Variants in ATP6V1B1 observed in about 807,000 individuals in gnomAD.
ATP6V1B1 encodes V-type proton ATPase subunit B, kidney isoform.
Under a neutral mutation model 62.1 loss-of-function variants are expected in ATP6V1B1, and 41 were observed. The ratio of observed to expected loss-of-function variants is 0.66; its 90% CI spans 0.51 to 0.86. ATP6V1B1 has a LOEUF of 0.86. ATP6V1B1 is among the 40% of genes least tolerant of loss of function. The pLI is 0.00. For missense variants in ATP6V1B1, 651 were observed against 697.5 expected (o/e 0.93, Z 0.75); for synonymous variants, 253 against 273.4 (o/e 0.93, Z 0.74).
At chr2:70,956,981 A>G (rs1379337900) in intron 2 of ATP6V1B1, among the ~76,000 whole-genome samples, 1 of 151,790 alleles carries the variant, frequency 6.6e-6, no homozygotes, top group African/African-American at 2.4e-5. Context: ...GATGTTGAGT[A>G]TCTTATCTTG....
At chr2:70,947,198 G>A (rs1180100060) in intron 2 of ATP6V1B1, among the ~76,000 whole-genome samples, 2 of 152,178 alleles carry the variant, frequency 1.3e-5, no homozygotes, top group African/African-American at 4.8e-5. Flanking sequence ...GAATGTGCCT[G>A]TGCATTTTTC....
At chr2:70,944,729 C>T (rs566356165) in intron 2 of ATP6V1B1, among the ~76,000 whole-genome samples, 32 of 146,392 alleles carry the variant, frequency 2.2e-4, no homozygotes, top group Non-Finnish European at 3.0e-4. Flanking sequence ...AGTGCAGTGG[C>T]GCAATCTCGG....
chr2:70,965,299 C>T lies in ATP6V1B1; in HGVS notation c.*178C>T. 1.2e-6 allele frequency: 1 copy of T among 868,840 alleles called. No homozygotes were observed. The highest frequency in any genetic ancestry group is 1.7e-6 in the Non-Finnish European group (1 of 574,456). The allele number at this position is 868,840 out of a possible 1,614,324, so 53.8% of individuals were successfully genotyped here. A position where few individuals can be genotyped will look rare whatever the true frequency, so the allele number is the denominator to read the frequency against. ...CCCTCGCTCGATTCCTTTTCCCGCG[C>T]TCCATGCCTCCCCCTCGACTCCCGG... On this transcript the variant is annotated 3_prime_UTR_variant, in exon 14 of 14. Coordinates refer to ENST00000234396, the MANE Select transcript of ATP6V1B1 (RefSeq NM_001692.4).
intron 11 of ATP6V1B1, 104 bp from the exon 12 acceptor site, chr2:70,964,334 C>T (rs186283380): frequency 8.1e-7 from 1 of 1,233,270 alleles, no homozygotes; most frequent in Non-Finnish European, 1.2e-6. Flanking sequence ...GTTGACCCCT[C>T]GGAATGTAGG....
In ATP6V1B1 at chr2:70,941,472, C is replaced by T. The variant is rs535239868; in HGVS notation, c.119-2186C>T. The T allele has an allele frequency of 6.1e-5, 60 of 983,142 alleles. No individual in the cohort carries two copies. The African/African-American group carries it at 8.9e-4, about 15-fold the overall frequency. The allele number at this position is 983,142 out of a possible 1,614,324, so 60.9% of individuals were successfully genotyped here. A position where few individuals can be genotyped will look rare whatever the true frequency, so the allele number is the denominator to read the frequency against. The stretch of plus-strand genomic sequence containing the variant: ...GCACCCCTTGACCCTGAAGGCTCAG[C>T]TCAAACGGCCCTTCCCATAAGATGC... On this transcript the variant is annotated intron_variant, in intron 1 of 13. Transcript: ENST00000234396.
chr2:70,940,348 C>A, intron 1 of ATP6V1B1: 3 of 943,778 alleles, frequency 3.2e-6, no homozygotes. Flanking sequence ...ACACCCCCAC[C>A]TCCCTATCCA....
At chr2:70,954,057 A>C (rs1553418656) in intron 2 of ATP6V1B1, among the ~76,000 whole-genome samples, 1 of 152,040 alleles carries the variant, frequency 6.6e-6, no homozygotes, top group South Asian at 2.1e-4. Context: ...TGTCTACTTT[A>C]TTCAGCTTTT....
chr2:70,947,040 C>T (rs1471262078), intron 2 of ATP6V1B1, among the ~76,000 whole-genome samples: 2 of 152,182 alleles, frequency 1.3e-5, no homozygotes, highest in African/African-American at 4.8e-5. Flanking sequence ...CCACCTTCTG[C>T]CCACATTGAA....
chr2:70,965,065 G>A lies in ATP6V1B1; in HGVS notation c.1486G>A (p.Glu496Lys), dbSNP rs781897036. 6.2e-7 allele frequency: 1 copy of A among 1,613,410 alleles called. No homozygotes were observed. The highest frequency in any genetic ancestry group is 1.1e-5 in the South Asian group (1 of 91,086). The change falls in exon 14 of 14, where the codon GAG becomes AAG. Residue 496 changes from glutamate (E) to lysine (K), a missense_variant. By Grantham distance (56) the Glu-to-Lys change is moderately conservative (BLOSUM62 1). Transcript: ENST00000234396. ...LKRIPQAVID[E>K]FYSREGALQD... Reference sequence around the variant, plus strand: ...GCGCATTCCGCAGGCCGTGATCGACGAGTTCTATTCCCGCGAGGGGGCGCT... The same window carrying A: ...GCGCATTCCGCAGGCCGTGATCGACAAGTTCTATTCCCGCGAGGGGGCGCT...
Position 70,960,975 on chromosome 2 carries a change from C to A in ATP6V1B1, c.640C>A (p.Leu214Met), listed in dbSNP as rs1258706231. 1.2e-6 allele frequency: 2 copies of A among 1,606,684 alleles called. No individual in the cohort carries two copies. Among genetic ancestry groups the A allele is most frequent in the Non-Finnish European group, 1.7e-6 (2 of 1,176,658 alleles). Residue 214 changes from leucine (L) to methionine (M), a missense_variant, in exon 7 of 14, where the codon CTG becomes ATG. Transcript: ENST00000234396. ...AGLVKKSKAV[L>M]DYHDDNFAIV... ...GCTGGTGAAGAAGTCCAAGGCTGTG[C>A]TGGATTACCATGACGACAACTTCGC...
At chr2:70,962,994 C>T in intron 9 of ATP6V1B1, 94 bp downstream of exon 9, 1 of 1,603,112 alleles carries the variant, frequency 6.2e-7, no homozygotes, top group Non-Finnish European at 8.5e-7. Context: ...GGGAGCTGGT[C>T]CACCCAAGCC....
At chr2:70,957,945 G>T (rs977528465) in intron 2 of ATP6V1B1, 101 bp from the exon 3 acceptor site, 62 of 1,058,190 alleles carry the variant, frequency 5.9e-5, no homozygotes, top group South Asian at 6.8e-5. Flanking sequence ...GGACACTAGA[G>T]GGGAGAGAAC....
chr2:70,949,755 C>T (rs373607652), intron 2 of ATP6V1B1, among the ~76,000 whole-genome samples: 7 of 152,130 alleles, frequency 4.6e-5, no homozygotes, highest in Admixed American at 3.9e-4. Flanking sequence ...GTTGTGCATA[C>T]GGGAGCTCCT....
At chr2:70,946,961 C>T (rs1680191539) in intron 2 of ATP6V1B1, among the ~76,000 whole-genome samples, 1 of 152,218 alleles carries the variant, frequency 6.6e-6, no homozygotes. Context: ...CTCCCCATCC[C>T]TCTCCGTTGC....
intron 2 of ATP6V1B1, among the ~76,000 whole-genome samples, chr2:70,947,062 A>G (rs924127668): frequency 7.9e-5 from 12 of 152,126 alleles, no homozygotes; most frequent in African/African-American, 2.2e-4. Flanking sequence ...CACACAGGCA[A>G]TTACTCTTCC....
At chr2:70,952,331 C>T (rs1477720916) in intron 2 of ATP6V1B1, among the ~76,000 whole-genome samples, 9 of 151,972 alleles carry the variant, frequency 5.9e-5, no homozygotes, top group African/African-American at 1.2e-4. Context: ...GGCGTGATGG[C>T]GCACACCTGT....
At chr2:70,962,982 A>C (rs1017265163) in intron 9 of ATP6V1B1, 82 bp downstream of exon 9, 89 of 1,607,366 alleles carry the variant, frequency 5.5e-5, no homozygotes, top group Non-Finnish European at 7.5e-5. Context: ...CTGCAAATAG[A>C]GGGGAGCTGG....
intron 2 of ATP6V1B1, among the ~76,000 whole-genome samples, chr2:70,952,807 G>C (rs1369230268): frequency 6.6e-6 from 1 of 152,108 alleles, no homozygotes; most frequent in Non-Finnish European, 1.5e-5. Context: ...TTTGGTAGTT[G>C]TTTCCTTCTA....
chr2:70,945,701 GATATATATATATATAT>G lies in ATP6V1B1; in HGVS notation c.174+2014_174+2029del, dbSNP rs35710919. Among the ~76,000 whole-genome samples the G allele has an allele frequency of 3.7e-3, 309 of 83,024 alleles. 4 individuals are homozygous for G. Among genetic ancestry groups the G allele is most frequent in the African/African-American group, 0.012 (257 of 20,908 alleles). The allele number at this position is 83,024 out of a possible 152,430, so 54.5% of individuals were successfully genotyped here. A position where few individuals can be genotyped will look rare whatever the true frequency, so the allele number is the denominator to read the frequency against. On this transcript the variant is annotated intron_variant, in intron 2 of 13. Transcript: ENST00000234396. ...TATCCTCTTTCTGGCTATTTGAAGA[GATATATATATATATAT>G]ATATATATATATATATATATATATA...
Sources: gnomAD v4.1 joint callset for allele counts (sites outside exome capture counted in the v4.1 genomes callset) on GRCh38, gnomAD v4.1.1 for gene constraint, MANE v1.5 for transcripts, NCBI Gene and HGNC (gene_info 2026-07-23, HGNC 2026-07-21) for gene names.